Variants in SAMD5 observed in about 807,000 individuals in gnomAD.
SAMD5 encodes the protein sterile alpha motif domain-containing protein 5.
In SAMD5, 13 loss-of-function variants were observed where a neutral mutation model predicts 11.3. That is an observed-to-expected ratio of 1.15 (90% CI 0.75 to 1.83). The LOEUF is 1.83. SAMD5 is among the 40% of genes most tolerant of loss of function. The pLI is 0.00. For missense variants in SAMD5, 255 were observed against 239.1 expected (o/e 1.07, Z -0.44); for synonymous variants, 129 against 111.3 (o/e 1.16, Z -1.00).
chr6:147,590,628 G>T (rs1789439067), intron 1 of SAMD5, among the ~76,000 whole-genome samples: 1 of 152,076 alleles, frequency 6.6e-6, no homozygotes, highest in South Asian at 2.1e-4. Flanking sequence ...GCCTAGGCTG[G>T]TCTCGAACTC....
chr6:147,543,861 A>T (rs753750546), intron 1 of SAMD5, among the ~76,000 whole-genome samples: 11 of 152,184 alleles, frequency 7.2e-5, no homozygotes, highest in Non-Finnish European at 1.6e-4. Flanking sequence ...CTTTGGAGGC[A>T]TCTCAGGAGA....
the SAMD5 span, among the ~76,000 whole-genome samples, chr6:147,773,534 G>T: frequency 2.0e-5 from 3 of 152,190 alleles, no homozygotes; most frequent in Non-Finnish European, 2.9e-5. Context: ...AGCTCAAGGT[G>T]CTGGCAGATC....
At chr6:147,920,888 ACTAAAATGCTT>A in the SAMD5 span, among the ~76,000 whole-genome samples, 1 of 152,150 alleles carries the variant, frequency 6.6e-6, no homozygotes, top group Non-Finnish European at 1.5e-5. Context: ...ATTCTCTAGA[ACTAAAATGCTT>A]CTTTGATTAC....
intron 1 of SAMD5, among the ~76,000 whole-genome samples, chr6:147,559,528 G>C (rs140803011): frequency 1.3e-5 from 2 of 152,136 alleles, no homozygotes; most frequent in Non-Finnish European, 2.9e-5. Flanking sequence ...GAAAAGTCCC[G>C]AATGAAGTTT....
chr6:147,747,161 G>A, the SAMD5 span, among the ~76,000 whole-genome samples: 1 of 152,186 alleles, frequency 6.6e-6, no homozygotes, highest in Non-Finnish European at 1.5e-5. Context: ...GAATCCCTGT[G>A]GGACATGTGA....
At chr6:147,689,923 A>G (rs1281417538) in intron 1 of SAMD5, among the ~76,000 whole-genome samples, 1 of 152,192 alleles carries the variant, frequency 6.6e-6, no homozygotes, top group African/African-American at 2.4e-5. Flanking sequence ...AGAGTGCTAT[A>G]GTGTTATTTT....
the SAMD5 span, among the ~76,000 whole-genome samples, chr6:147,815,986 T>C: frequency 7.2e-5 from 11 of 152,160 alleles, no homozygotes; most frequent in African/African-American, 2.7e-4. Flanking sequence ...AATAAAAGTA[T>C]ATTAGAAAGA....
At chr6:147,745,828 GA>G in the SAMD5 span, among the ~76,000 whole-genome samples, 2 of 149,746 alleles carry the variant, frequency 1.3e-5, no homozygotes, top group Non-Finnish European at 3.0e-5. Context: ...ACCCCGGCTG[GA>G]CTATGGTGAT....
the SAMD5 span, among the ~76,000 whole-genome samples, chr6:147,872,917 T>C: frequency 1.3e-5 from 2 of 152,214 alleles, no homozygotes; most frequent in African/African-American, 2.4e-5. Context: ...TGTCCAATTT[T>C]AAACAATTTT....
At chr6:147,652,171 C>G (rs1225737381) in intron 1 of SAMD5, among the ~76,000 whole-genome samples, 1 of 152,182 alleles carries the variant, frequency 6.6e-6, no homozygotes, top group Non-Finnish European at 1.5e-5. Context: ...TGCAAATATA[C>G]AAAGTGTGTC....
intron 1 of SAMD5, among the ~76,000 whole-genome samples, chr6:147,614,714 G>A (rs1169747650): frequency 6.6e-6 from 1 of 151,886 alleles, no homozygotes. Context: ...AGGGACCCAA[G>A]AGAACTTTCT....
At chr6:147,831,024 G>A in the SAMD5 span, among the ~76,000 whole-genome samples, 15 of 152,304 alleles carry the variant, frequency 9.8e-5, no homozygotes, top group African/African-American at 3.1e-4. Flanking sequence ...TCAGCCCCTG[G>A]CACACGTAAG....
chr6:147,718,009 G>A (rs1483034477), intron 1 of SAMD5, among the ~76,000 whole-genome samples: 4 of 152,248 alleles, frequency 2.6e-5, no homozygotes, highest in East Asian at 1.9e-4. Flanking sequence ...AGCAATAAAT[G>A]TTCTTGCTTC....
At chr6:147,649,666 C>T (rs1234977960) in intron 1 of SAMD5, among the ~76,000 whole-genome samples, 1 of 152,052 alleles carries the variant, frequency 6.6e-6, no homozygotes, top group African/African-American at 2.4e-5. Context: ...TGGCACATGC[C>T]TGTAGTCCTA....
chr6:147,866,335 T>G, the SAMD5 span, among the ~76,000 whole-genome samples: 1 of 152,302 alleles, frequency 6.6e-6, no homozygotes, highest in South Asian at 2.1e-4. Context: ...ACGTTTCCTT[T>G]GTGTTACACC....
chr6:147,780,471 G>A, the SAMD5 span, among the ~76,000 whole-genome samples: 33 of 152,162 alleles, frequency 2.2e-4, no homozygotes, highest in African/African-American at 8.0e-4. Flanking sequence ...GCATCCCAAA[G>A]TGTTGGGATT....
chr6:147,753,100 C>A, the SAMD5 span, among the ~76,000 whole-genome samples: 1 of 152,178 alleles, frequency 6.6e-6, no homozygotes, highest in Admixed American at 6.5e-5. Context: ...AGAAACATAA[C>A]AGTCAATGCA....
chr6:147,914,544 G>A, the SAMD5 span, among the ~76,000 whole-genome samples: 1 of 152,134 alleles, frequency 6.6e-6, no homozygotes, highest in Non-Finnish European at 1.5e-5. Flanking sequence ...CGGTGAACTC[G>A]GAGTGGAAGA....
the SAMD5 span, among the ~76,000 whole-genome samples, chr6:147,871,439 G>GA: frequency 2.0e-5 from 3 of 151,952 alleles, no homozygotes; most frequent in Non-Finnish European, 2.9e-5. Context: ...CACTGAAACG[G>GA]AAAAAACAAA....
Sources: gnomAD v4.1 joint callset for allele counts (sites outside exome capture counted in the v4.1 genomes callset) on GRCh38, gnomAD v4.1.1 for gene constraint, MANE v1.5 for transcripts, NCBI Gene and HGNC (gene_info 2026-07-23, HGNC 2026-07-21) for gene names.